FER1L5: variants seen among roughly 807,000 people sequenced by gnomAD.
The protein encoded by FER1L5 is fer-1 like family member 5.
FER1L5 carries 187 observed loss-of-function variants against 279.9 expected under a neutral mutation model. That is an observed-to-expected ratio of 0.67 (90% confidence interval 0.59 to 0.75). The LOEUF (loss-of-function observed/expected upper bound fraction) is 0.75. Among genes scored for constraint, FER1L5 ranks in the 30% least tolerant of loss-of-function variants. FER1L5 has a pLI of 0.00. For synonymous variants in FER1L5, 921 were observed against 989.7 expected, an observed-to-expected ratio of 0.93 and a Z score of 1.30; for missense variants, 2,091 against 2,594.4, an observed-to-expected ratio of 0.81 and a Z score of 4.21.
chr2:96,693,439 C>A, intron 31 of FER1L5, 67 bp from the exon 32 acceptor site: 1 of 1,449,064 alleles, frequency 6.9e-7, no homozygotes, highest in South Asian at 1.4e-5. Flanking sequence ...GTGGCTGCAG[C>A]AGCAGAGGAG....
intron 19 of FER1L5, among the ~76,000 whole-genome samples, chr2:96,674,392 T>C (rs557744176): frequency 6.6e-6 from 1 of 151,954 alleles, no homozygotes; most frequent in Non-Finnish European, 1.5e-5. Flanking sequence ...CTGGCTAATG[T>C]TTTGTATTTT....
At position 96,669,225 on chromosome 2, in the gene FER1L5, C is replaced by T. The variant is rs142262525; in HGVS notation, c.1362+88C>T. 2.1e-4 allele frequency: 268 copies of T among 1,302,890 alleles called. 1 individual carries two copies. The African/African-American group carries it at 3.5e-3, about 17-fold the overall frequency. The allele number at this position is 1,302,890 out of a possible 1,614,324, so 80.7% of individuals were successfully genotyped here. A position where few individuals can be genotyped will look rare whatever the true frequency, so the allele number is the denominator to read the frequency against. ...GGGCCTGGGACGTGCCCCGAGGCCC[C>T]GGCCCTGGTTTCTGTCCCTCGGGGT... is the stretch of plus-strand genomic sequence containing the variant. On this transcript the variant is annotated intron_variant, in intron 17 of 52. Transcript: ENST00000624922.
intron 19 of FER1L5, among the ~76,000 whole-genome samples, chr2:96,677,379 A>T (rs750879470): frequency 4.6e-5 from 7 of 152,224 alleles, no homozygotes; most frequent in Non-Finnish European, 1.0e-4. Context: ...AAATGAAATT[A>T]TACAATATGT....
At chr2:96,704,092 A>G in intron 51 of FER1L5, 123 bp from the exon 52 acceptor site, 5 of 1,195,702 alleles carry the variant, frequency 4.2e-6, no homozygotes, top group Non-Finnish European at 4.6e-6. Flanking sequence ...CTGGGATTAC[A>G]GGCGTGAGAC....
rs1194368535 is a variant in FER1L5 at position 96,686,235 on chromosome 2, C to G, written c.2114C>G (p.Ala705Gly). 1 of 1,551,414 alleles carries G rather than the reference C, an allele frequency of 6.4e-7. No homozygotes were observed. Among genetic ancestry groups the G allele is most frequent in the African/African-American group, 1.4e-5 (1 of 73,188 alleles). The stretch of plus-strand genomic sequence containing the variant: ...CCTGACGTGATGATTTGGCTGGTGG[C>G]CAAGGAGCAGCGAGTGGCCTATGCA... ...GLPDVMIWLV[A>G]KEQRVAYAQV... The change falls in exon 23 of 53, where the codon GCC becomes GGC. Residue 705 changes from alanine to glycine, a missense_variant. Transcript: ENST00000624922.
At chr2:96,699,274 C>G in intron 42 of FER1L5, 138 bp downstream of exon 42, 2 of 928,186 alleles carry the variant, frequency 2.2e-6, no homozygotes, top group Non-Finnish European at 3.3e-6. Flanking sequence ...TGCCCTGGTG[C>G]TCAACAGATA....
rs2074937631 is a variant in FER1L5 at position 96,642,768 on chromosome 2, G to A, written c.-69G>A. ...CCCAGGATCGCTGGGAAAAGTCTTG[G>A]ACTGAGGAGCTCCAAAAAGGAAGCT... On this transcript the variant is annotated 5_prime_UTR_variant, in exon 1 of 53. Coordinates refer to ENST00000624922, the MANE Select transcript of FER1L5 (RefSeq NM_001293083.2). 6.7e-6 allele frequency: 10 copies of A among 1,488,674 alleles called. No individual in the cohort carries two copies. In the Admixed American group the frequency reaches 1.4e-4, roughly 21 times the overall value. The allele number at this position is 1,488,674 out of a possible 1,614,324, so 92.2% of individuals were successfully genotyped here. A position where few individuals can be genotyped will look rare whatever the true frequency, so the allele number is the denominator to read the frequency against.
chr2:96,703,132 A>G (rs1378144858), intron 49 of FER1L5, 21 bp from the exon 50 acceptor site: 2 of 1,612,594 alleles, frequency 1.2e-6, no homozygotes, highest in Non-Finnish European at 1.7e-6. Flanking sequence ...CTTCTTGCTG[A>G]TGTCATTTTT....
chr2:96,658,949 T>C (rs1274373706), intron 9 of FER1L5, among the ~76,000 whole-genome samples: 3 of 152,138 alleles, frequency 2.0e-5, no homozygotes, highest in Non-Finnish European at 4.4e-5. Context: ...TTTTTGTTTT[T>C]GTTTTTGTTT....
chr2:96,698,287 G>A lies in FER1L5; in HGVS notation c.4356+131G>A. The A allele has an allele frequency of 1.5e-6, 2 of 1,345,278 alleles. No homozygotes were observed. Among genetic ancestry groups the A allele is most frequent in the Non-Finnish European group, 2.0e-6 (2 of 1,008,736 alleles). 83.3% of individuals were successfully genotyped at this position (1,345,278 alleles called of 1,614,324 possible). ...AGGGCTTGAGAACGTTCTGGGAGTG[G>A]AGGAGCAGAGATTCGCCTCCACAGG... On this transcript the variant is annotated intron_variant, in intron 40 of 52. Transcript: ENST00000624922. This position sits in a 1 kb window ranked among gnomAD's most constrained non-coding sequence, Gnocchi z 5.5.
rs373873994 is a variant in FER1L5 at position 96,697,573 on chromosome 2, A to C, written c.4131A>C (p.Ala1377=). The C allele has an allele frequency of 2.5e-6, 4 of 1,613,704 alleles. No individual in the cohort carries two copies. In the African/African-American group the frequency reaches 5.3e-5, roughly 22 times the overall value. The part of the protein sequence containing the change: ...YRKFWFKSSK[A]EDEYEHEVDW... Reference sequence around the variant, plus strand: ...AGTTCTGGTTCAAGTCCAGTAAAGCAGAGGTGATGAAGGCTCAGCCCCATT... The same window carrying C: ...AGTTCTGGTTCAAGTCCAGTAAAGCCGAGGTGATGAAGGCTCAGCCCCATT... Residue 1377 remains alanine, a synonymous_variant, in exon 38 of 53, where the codon GCA becomes GCC. Transcript: ENST00000624922.
In FER1L5 at chr2:96,653,681, T is replaced by G. The variant is rs2075476610; in HGVS notation, c.675T>G (p.Phe225Leu). 1 of 1,551,468 alleles carries G rather than the reference T, an allele frequency of 6.4e-7. No homozygotes were observed. The highest frequency in any genetic ancestry group is 8.7e-7 in the Non-Finnish European group (1 of 1,146,944). Residue 225 changes from phenylalanine to leucine, a missense_variant, in exon 8 of 53, where the codon TTT becomes TTG. Coordinates refer to ENST00000624922, the MANE Select transcript of FER1L5 (RefSeq NM_001293083.2). Reference sequence around the variant, plus strand: ...TTCATGAGGTTCCTGCAAAGTTCTTTGATGAGACCATCTTAATCCAGGTGA... The same window carrying G: ...TTCATGAGGTTCCTGCAAAGTTCTTGGATGAGACCATCTTAATCCAGGTGA... ...QNFHEVPAKFFDETILIQVVN... is the reference protein window; with the variant it reads ...QNFHEVPAKFLDETILIQVVN...
At chr2:96,666,417 AC>A (rs1458072655) in intron 14 of FER1L5, among the ~76,000 whole-genome samples, 1 of 151,390 alleles carries the variant, frequency 6.6e-6, no homozygotes, top group East Asian at 1.9e-4. Context: ...CTCCTTTCTT[AC>A]TGACTAGCTG....
Position 96,697,762 on chromosome 2 carries a change from G to C in FER1L5, c.4236+1G>C, listed in dbSNP as rs2077437379. 6.2e-7 allele frequency: 1 copy of C among 1,613,728 alleles called. No homozygotes were observed. The highest frequency in any genetic ancestry group is 1.3e-5 in the African/African-American group (1 of 74,930). Reference sequence around the variant, plus strand: ...GTACAAAGACTACCACACCCTCAAGGTTTGAAGGAGGGAAGAAATGGGATG... The same window carrying C: ...GTACAAAGACTACCACACCCTCAAGCTTTGAAGGAGGGAAGAAATGGGATG... On this transcript the variant is annotated splice_donor_variant, in intron 39 of 52. Coordinates refer to ENST00000624922, the MANE Select transcript of FER1L5 (RefSeq NM_001293083.2). LOFTEE classifies it high-confidence loss of function.
chr2:96,656,806 T>C (rs1284991099), intron 9 of FER1L5, among the ~76,000 whole-genome samples: 1 of 151,168 alleles, frequency 6.6e-6, no homozygotes, highest in Non-Finnish European at 1.5e-5. Context: ...TAGTTGGACC[T>C]GTAGTGTTTT....
Position 96,691,551 on chromosome 2 carries a change from G to T in FER1L5, c.3014G>T (p.Arg1005Leu). 1 of 1,549,302 alleles carries T rather than the reference G, an allele frequency of 6.5e-7. No homozygotes were observed. Among genetic ancestry groups the T allele is most frequent in the East Asian group, 2.4e-5 (1 of 40,902 alleles). ...QSRFRRRCWR[R>L]RLAPNKDKGI... is the part of the protein sequence containing the mutation. ...CGGTTCCGCCGCCGCTGCTGGCGCC[G>T]CAGGCTGGCCCCCAACAAGGACAAG... Residue 1005 changes from arginine (R) to leucine (L), a missense_variant, in exon 29 of 53, where the codon CGC becomes CTC. Transcript: ENST00000624922. This position sits in a 1 kb window ranked among gnomAD's most constrained non-coding sequence, Gnocchi z 6.0.
At chr2:96,659,306 C>T (rs950893273) in intron 9 of FER1L5, among the ~76,000 whole-genome samples, 6 of 41,180 alleles carry the variant, frequency 1.5e-4, no homozygotes, top group Admixed American at 3.7e-4. Context: ...TCCTTCCTTC[C>T]TTCCTTCCTT....
chr2:96,700,199 T>C, intron 44 of FER1L5, 119 bp downstream of exon 44: 2 of 1,550,412 alleles, frequency 1.3e-6, no homozygotes, highest in Admixed American at 1.9e-5. Flanking sequence ...AAGAGCTCCC[T>C]GGAGCCAAAG....
intron 31 of FER1L5, among the ~76,000 whole-genome samples, chr2:96,692,449 C>A (rs1381913581): frequency 6.6e-6 from 1 of 152,224 alleles, no homozygotes; most frequent in Non-Finnish European, 1.5e-5. Context: ...AGACACAAAA[C>A]AAAGACTACG....
Sources: gnomAD v4.1 joint callset for allele counts (sites outside exome capture counted in the v4.1 genomes callset) on GRCh38, gnomAD v4.1.1 for gene constraint, Gnocchi (gnomAD v3.1) non-coding constraint, MANE v1.5 for transcripts, NCBI Gene and HGNC (gene_info 2026-07-23, HGNC 2026-07-21) for gene names.